The following LAMC3 variants were observed in gnomAD, a reference collection of about 807,000 sequenced individuals.
The protein encoded by LAMC3 is laminin subunit gamma-3.
LAMC3 carries 128 observed loss-of-function variants against 173.8 expected under a neutral mutation model. That is an observed-to-expected ratio of 0.74 (90% CI 0.64 to 0.85). LAMC3 has a LOEUF of 0.85. Ranked by LOEUF, LAMC3 falls within the 40% of genes least tolerant of loss-of-function variation. LAMC3 has a pLI of 0.00. For synonymous variants in LAMC3, 897 were observed against 909.1 expected, an observed-to-expected ratio of 0.99 and a Z score of 0.24; for missense variants, 2,022 against 2,156.0, an observed-to-expected ratio of 0.94 and a Z score of 1.23.
At position 131,013,083 on chromosome 9, in the gene LAMC3, G is replaced by A. The variant is rs117670304; in HGVS notation, c.373+3496G>A. Among the ~76,000 whole-genome samples, 429 of 152,348 alleles carry A rather than the reference G, an allele frequency of 2.8e-3. 4 individuals are homozygous for A. The highest frequency in any genetic ancestry group is 0.016 in the South Asian group (75 of 4,832). ...TACAGACCATTCCGGGGCTCTCACCGTGTACCAAGGACTCGCCCAGGCGGC... is the reference window on the plus strand; with the variant it reads ...TACAGACCATTCCGGGGCTCTCACCATGTACCAAGGACTCGCCCAGGCGGC... On this transcript the variant is annotated intron_variant, in intron 1 of 27. Coordinates refer to ENST00000361069, the MANE Select transcript of LAMC3 (RefSeq NM_006059.4).
chr9:131,046,364 G>T (rs190797015), intron 8 of LAMC3, among the ~76,000 whole-genome samples: 2 of 150,168 alleles, frequency 1.3e-5, no homozygotes, highest in Non-Finnish European at 3.0e-5. Flanking sequence ...CACCGTGCCC[G>T]GCTAATTTTT....
At position 131,009,626 on chromosome 9, in the gene LAMC3, TC is replaced by T; in HGVS notation, c.373+43del. 6.5e-7 allele frequency: 1 copy of T among 1,550,314 alleles called. No individual in the cohort carries two copies. ...GGGGGCACCGCCACCGCACCCCGTG[TC>T]CCCACTCCACTGGGGGTCTGAGGCT... On this transcript the variant is annotated intron_variant, in intron 1 of 27. Transcript: ENST00000361069. This position sits in a 1 kb window ranked among gnomAD's most constrained non-coding sequence, Gnocchi z 4.3.
chr9:131,081,573 C>T (rs1160638784), intron 23 of LAMC3, among the ~76,000 whole-genome samples: 1 of 151,926 alleles, frequency 6.6e-6, no homozygotes, highest in Non-Finnish European at 1.5e-5. Flanking sequence ...TAGGTTCAAG[C>T]CATACTCCCG....
intron 1 of LAMC3, among the ~76,000 whole-genome samples, chr9:131,022,537 A>C (rs959157418): frequency 6.6e-6 from 1 of 151,906 alleles, no homozygotes; most frequent in African/African-American, 2.4e-5. Flanking sequence ...CCATCACCAC[A>C]ATCAATTTTA....
At chr9:131,050,236 A>AT (rs1834256370) in intron 9 of LAMC3, among the ~76,000 whole-genome samples, 1 of 152,332 alleles carries the variant, frequency 6.6e-6, no homozygotes, top group African/African-American at 2.4e-5. Flanking sequence ...GCCTGTCCTC[A>AT]TGGTGCTCTC....
chr9:131,046,124 C>G (rs944925577), intron 8 of LAMC3, among the ~76,000 whole-genome samples: 1 of 151,120 alleles, frequency 6.6e-6, no homozygotes, highest in African/African-American at 2.4e-5. Flanking sequence ...AGGCCACTTG[C>G]CTGAGGCCAC....
rs1276240647 is a variant in LAMC3, at chr9:131,091,667, C to A, written c.4608C>A (p.Ser1536=). Residue 1536 remains serine (S), a synonymous_variant, in exon 28 of 28, where the codon TCC becomes TCA. Coordinates refer to ENST00000361069, the MANE Select transcript of LAMC3 (RefSeq NM_006059.4). ...AACTCAGTCTGCTGGAGCAGGAATC[C>A]CAGCAGCAGGAGCTGCAGATCCAGG... The part of the protein sequence containing the change: ...QRKLSLLEQE[S]QQQELQIQGF... 2 of 1,608,644 alleles carry A rather than the reference C, an allele frequency of 1.2e-6. No individual in the cohort carries two copies. The highest frequency in any genetic ancestry group is 2.2e-5 in the South Asian group (2 of 90,134).
At position 131,077,314 on chromosome 9, in the gene LAMC3, C is replaced by T; in HGVS notation, c.3757C>T (p.Leu1253=). 6.2e-7 allele frequency: 1 copy of T among 1,613,920 alleles called. No individual in the cohort carries two copies. Among genetic ancestry groups the T allele is most frequent in the Non-Finnish European group, 8.5e-7 (1 of 1,180,026 alleles). The change falls in exon 22 of 28, where the codon CTG becomes TTG. Residue 1253 remains leucine, a synonymous_variant. Transcript: ENST00000361069. The part of the protein sequence containing the change: ...GADTAPYLAL[L]ASPGALPQKS... The stretch of plus-strand genomic sequence containing the variant: ...AGATACAGCCCCGTACCTGGCCTTG[C>T]TGGCTTCCCCGGGAGCTCTGGTCAG...
At chr9:131,011,908 T>C (rs994759343) in intron 1 of LAMC3, among the ~76,000 whole-genome samples, 2 of 152,290 alleles carry the variant, frequency 1.3e-5, no homozygotes, top group Non-Finnish European at 2.9e-5. Flanking sequence ...TCCTGTTTAC[T>C]GTGCATCTAC....
rs201512940 is a variant in LAMC3 at position 131,052,949 on chromosome 9, C to T, written c.1923C>T (p.Pro641=). 5.3e-5 allele frequency: 85 copies of T among 1,613,012 alleles called. No homozygotes were observed. The South Asian group carries it at 7.4e-4, about 14-fold the overall frequency. Residue 641 remains proline (P), a synonymous_variant, in exon 11 of 28, where the codon CCC becomes CCT. Coordinates refer to ENST00000361069, the MANE Select transcript of LAMC3 (RefSeq NM_006059.4). ...NLTSLRLRVS[P]GPSPAGPVFL... ...CCAGCCTCCGCCTCCGCGTCAGTCC[C>T]GGCCCCAGCCCTGCCGGTCAGTAAA...
intron 12 of LAMC3, among the ~76,000 whole-genome samples, chr9:131,057,782 G>A (rs1829723399): frequency 6.6e-6 from 1 of 152,254 alleles, no homozygotes; most frequent in African/African-American, 2.4e-5. Context: ...GGCCTGGGTT[G>A]CATAGGAGCT....
chr9:131,080,919 G>A (rs1259683683), intron 23 of LAMC3, among the ~76,000 whole-genome samples: 1 of 152,174 alleles, frequency 6.6e-6, no homozygotes, highest in Non-Finnish European at 1.5e-5. Flanking sequence ...TTGTTACAGT[G>A]ACATTCACGT....
intron 7 of LAMC3, among the ~76,000 whole-genome samples, chr9:131,043,004 C>T (rs553676445): frequency 6.6e-6 from 1 of 152,310 alleles, no homozygotes; most frequent in African/African-American, 2.4e-5. Flanking sequence ...TCACAACCCT[C>T]CCCTTTCACA....
intron 12 of LAMC3, among the ~76,000 whole-genome samples, chr9:131,060,642 C>T (rs1829787259): frequency 5.1e-5 from 3 of 59,306 alleles, no homozygotes; most frequent in African/African-American, 3.2e-4. Flanking sequence ...GACTCTGTCT[C>T]AACTAATAAT....
Position 131,032,078 on chromosome 9 carries a change from C to T in LAMC3, c.712C>T (p.Leu238=), listed in dbSNP as rs142787123. The change falls in exon 3 of 28, where the codon CTA becomes TTA. Residue 238 remains leucine (L), a synonymous_variant. Coordinates refer to ENST00000361069, the MANE Select transcript of LAMC3 (RefSeq NM_006059.4). ...WVTSTELLIS[L]DRLNTFGDDI... ...CACCAGCACCGAACTCCTCATCTCT[C>T]TAGACCGGCTCAACACGTTTGGGGA... is the stretch of plus-strand genomic sequence containing the variant. 5 of 1,614,164 alleles carry T rather than the reference C, an allele frequency of 3.1e-6. No homozygotes were observed. The African/African-American group carries it at 5.3e-5, about 17-fold the overall frequency.
chr9:131,045,479 G>A (rs1451287869), intron 7 of LAMC3, 45 bp from the exon 8 acceptor site: 1 of 1,611,296 alleles, frequency 6.2e-7, no homozygotes, highest in Non-Finnish European at 8.5e-7. Flanking sequence ...CCCCTTCCTG[G>A]CTGATTCACG....
intron 8 of LAMC3, among the ~76,000 whole-genome samples, chr9:131,045,891 G>C (rs560367570): frequency 5.3e-5 from 8 of 152,342 alleles, no homozygotes; most frequent in African/African-American, 1.9e-4. Context: ...GGTGGGGTTG[G>C]GGGCCGGGTA....
chr9:131,058,884 G>T (rs1219993887), intron 12 of LAMC3, among the ~76,000 whole-genome samples: 1 of 134,992 alleles, frequency 7.4e-6, no homozygotes, highest in Non-Finnish European at 1.5e-5. Context: ...ACAAGAGCAA[G>T]ACTCCAGAGG....
At chr9:131,048,162 T>C (rs1834210852) in intron 8 of LAMC3, among the ~76,000 whole-genome samples, 1 of 148,538 alleles carries the variant, frequency 6.7e-6, no homozygotes, top group Non-Finnish European at 1.5e-5. Context: ...GTTCAGGCGA[T>C]TCTCCTGCCT....
Sources: gnomAD v4.1 joint callset for allele counts (sites outside exome capture counted in the v4.1 genomes callset) on GRCh38, gnomAD v4.1.1 for gene constraint, Gnocchi (gnomAD v3.1) non-coding constraint, MANE v1.5 for transcripts, NCBI Gene and HGNC (gene_info 2026-07-23, HGNC 2026-07-21) for gene names.